The following EXT2 variants were observed in gnomAD, a reference collection of about 807,000 sequenced individuals.
The protein encoded by EXT2 is exostosin-2.
Under a neutral mutation model 81.6 loss-of-function variants are expected in EXT2, and 53 were observed. That is an observed-to-expected ratio of 0.65 (90% CI 0.52 to 0.82). The LOEUF (loss-of-function observed/expected upper bound fraction) is 0.82, where lower values mean the gene tolerates loss of function less well. Ranked by LOEUF, EXT2 falls within the 40% of genes least tolerant of loss-of-function variation. EXT2 has a pLI of 0.00. For synonymous variants in EXT2, 320 were observed against 340.0 expected (o/e 0.94, Z 0.65); for missense variants, 774 against 910.2 (o/e 0.85, Z 1.93).
chr11:44,244,418 A>G lies in EXT2; in HGVS notation c.*131A>G. The G allele has an allele frequency of 4.5e-6, 4 of 886,766 alleles. No homozygotes were observed. Among genetic ancestry groups the G allele is most frequent in the Non-Finnish European group, 7.3e-6 (4 of 550,042 alleles). The allele number at this position is 886,766 out of a possible 1,614,324, so 54.9% of individuals were successfully genotyped here. On this transcript the variant is annotated 3_prime_UTR_variant, in exon 14 of 14. Coordinates refer to ENST00000533608, the MANE Select transcript of EXT2 (RefSeq NM_207122.2). ...CCTACTTGGATCTTGGCATGCACCC[A>G]CCTAACCCACTTTCTCAAGAACAAG...
intron 8 of EXT2, among the ~76,000 whole-genome samples, chr11:44,175,784 A>G (rs1397177035): frequency 6.6e-6 from 1 of 152,178 alleles, no homozygotes; most frequent in Non-Finnish European, 1.5e-5. Flanking sequence ...AAGGAAAGAA[A>G]GAGGGATGGA....
chr11:44,097,794 A>AAATG (rs1953922817), intron 1 of EXT2, among the ~76,000 whole-genome samples: 1 of 128,804 alleles, frequency 7.8e-6, no homozygotes. Context: ...ATAAATAAAT[A>AAATG]AATAAAATAA....
intron 3 of EXT2, among the ~76,000 whole-genome samples, chr11:44,112,502 G>C (rs1954159266): frequency 6.6e-6 from 1 of 152,204 alleles, no homozygotes; most frequent in Non-Finnish European, 1.5e-5. Context: ...TGTAAACCAT[G>C]TGTTCTGTAA....
At chr11:44,226,307 A>G (rs1222948412) in intron 10 of EXT2, among the ~76,000 whole-genome samples, 1 of 152,232 alleles carries the variant, frequency 6.6e-6, no homozygotes, top group Non-Finnish European at 1.5e-5. Context: ...TCTCGGACAG[A>G]CTAAAGTGAT....
At chr11:44,197,738 A>G (rs1195715414) in intron 8 of EXT2, 91 bp from the exon 9 acceptor site, 247 of 1,370,450 alleles carry the variant, frequency 1.8e-4, no homozygotes, top group Non-Finnish European at 1.0e-5. Context: ...AAAAGCCACC[A>G]AGCCTGCCAT....
chr11:44,204,296 C>G (rs1955555692), intron 9 of EXT2, among the ~76,000 whole-genome samples: 1 of 152,198 alleles, frequency 6.6e-6, no homozygotes, highest in African/African-American at 2.4e-5. Flanking sequence ...TCATTTCCCA[C>G]AGCTAATGGA....
chr11:44,202,754 T>C (rs1370638263), intron 9 of EXT2, among the ~76,000 whole-genome samples: 1 of 152,222 alleles, frequency 6.6e-6, no homozygotes. Context: ...TCACAGTCAA[T>C]CATGTCAAGA....
In EXT2 at chr11:44,220,085, C is replaced by T. The variant is rs993744552; in HGVS notation, c.1663-12268C>T. Among the ~76,000 whole-genome samples, 5 of 151,958 alleles carry T rather than the reference C, an allele frequency of 3.3e-5. No individual in the cohort carries two copies. ...GATCCAGTCTAGTAGTCAGCTTGCACGGCTGCTGGTGTGTTGCTGGTGCTG... is the reference window on the plus strand; with the variant it reads ...GATCCAGTCTAGTAGTCAGCTTGCATGGCTGCTGGTGTGTTGCTGGTGCTG... On this transcript the variant is annotated intron_variant, in intron 10 of 13. Coordinates refer to ENST00000533608, the MANE Select transcript of EXT2 (RefSeq NM_207122.2). The surrounding 1 kb of genome is among the most constrained non-coding windows in gnomAD (Gnocchi z 4.4).
intron 10 of EXT2, among the ~76,000 whole-genome samples, 161 bp downstream of exon 10, chr11:44,207,120 C>A (rs908331201): frequency 1.3e-5 from 2 of 152,196 alleles, no homozygotes; most frequent in African/African-American, 4.8e-5. Context: ...GGTTATGAAG[C>A]TGTTCTTTGA....
chr11:44,215,467 G>A (rs970789173), intron 10 of EXT2, among the ~76,000 whole-genome samples: 5 of 152,006 alleles, frequency 3.3e-5, no homozygotes, highest in Non-Finnish European at 7.4e-5. Flanking sequence ...TATACTCTAC[G>A]ATTTTATTAT....
intron 9 of EXT2, among the ~76,000 whole-genome samples, chr11:44,205,487 C>CA (rs531708297): frequency 2.6e-5 from 4 of 152,340 alleles, no homozygotes; most frequent in Admixed American, 2.6e-4. Context: ...AGCCCTTCCC[C>CA]AAACACACTT....
chr11:44,166,606 A>C (rs1404507354), intron 7 of EXT2, among the ~76,000 whole-genome samples: 2 of 152,202 alleles, frequency 1.3e-5, no homozygotes, highest in Non-Finnish European at 2.9e-5. Flanking sequence ...TAGGCTTTTA[A>C]CTCATGGATA....
At chr11:44,127,027 A>G (rs1239932666) in intron 6 of EXT2, 72 bp downstream of exon 6, 38 of 1,553,608 alleles carry the variant, frequency 2.4e-5, no homozygotes, top group Non-Finnish European at 3.4e-5. Flanking sequence ...TCCTCAGGTC[A>G]TTGTAATGTA....
At position 44,220,685 on chromosome 11, in the gene EXT2, A is replaced by G. The variant is rs1321123215; in HGVS notation, c.1663-11668A>G. Among the ~76,000 whole-genome samples, 1 of 152,192 alleles carries G rather than the reference A, an allele frequency of 6.6e-6. No individual in the cohort carries two copies. Among genetic ancestry groups the G allele is most frequent in the Non-Finnish European group, 1.5e-5 (1 of 68,028 alleles). On this transcript the variant is annotated intron_variant, in intron 10 of 13. Coordinates refer to ENST00000533608, the MANE Select transcript of EXT2 (RefSeq NM_207122.2). This position sits in a 1 kb window ranked among gnomAD's most constrained non-coding sequence, Gnocchi z 4.4. ...AGCCTGTAGGAGAACTAAATAATCT[A>G]TTAGGTCTGTCCTATCTCCAGCTTG...
chr11:44,100,652 C>T (rs1035496242), intron 1 of EXT2, among the ~76,000 whole-genome samples: 10 of 152,122 alleles, frequency 6.6e-5, no homozygotes, highest in Non-Finnish European at 7.3e-5. Flanking sequence ...GCTCTATGGC[C>T]GCATCTCCTG....
chr11:44,109,182 A>G lies in EXT2; in HGVS notation c.537-12A>G. On this transcript the variant is annotated splice_polypyrimidine_tract_variant and intron_variant, in intron 2 of 13. Transcript: ENST00000533608. Reference sequence around the variant, plus strand: ...ACACATTAATTCTCCTACATTTTAAATTTCTTGACAGGTGGGATCGAGGTA... The same window carrying G: ...ACACATTAATTCTCCTACATTTTAAGTTTCTTGACAGGTGGGATCGAGGTA... 6.2e-7 allele frequency: 1 copy of G among 1,613,684 alleles called. No homozygotes were observed. Among genetic ancestry groups the G allele is most frequent in the Non-Finnish European group, 8.5e-7 (1 of 1,179,722 alleles).
chr11:44,221,042 A>G (rs1475367125), intron 10 of EXT2, among the ~76,000 whole-genome samples: 1 of 152,224 alleles, frequency 6.6e-6, no homozygotes, highest in Non-Finnish European at 1.5e-5. Context: ...AATTAAAACA[A>G]GTTCAGAATT....
At chr11:44,188,920 A>G (rs1955354138) in intron 8 of EXT2, among the ~76,000 whole-genome samples, 1 of 152,218 alleles carries the variant, frequency 6.6e-6, no homozygotes, top group South Asian at 2.1e-4. Flanking sequence ...TGAATGACAC[A>G]GGCCGCAGAT....
chr11:44,145,834 A>G (rs1161823759), intron 7 of EXT2, among the ~76,000 whole-genome samples: 1 of 152,212 alleles, frequency 6.6e-6, no homozygotes, highest in Non-Finnish European at 1.5e-5. Flanking sequence ...TAAAATGCCT[A>G]CTTTGGGTAA....
Sources: gnomAD v4.1 joint callset for allele counts (sites outside exome capture counted in the v4.1 genomes callset) on GRCh38, gnomAD v4.1.1 for gene constraint, Gnocchi (gnomAD v3.1) non-coding constraint, MANE v1.5 for transcripts, NCBI Gene and HGNC (gene_info 2026-07-23, HGNC 2026-07-21) for gene names.